CISD2: variants seen among roughly 807,000 people sequenced by gnomAD.
CISD2 encodes the protein CDGSH iron sulfur domain 2.
Under a neutral mutation model 12.9 loss-of-function variants are expected in CISD2, and 1 was observed. The ratio of observed to expected loss-of-function variants is 0.08; its 90% CI spans 0.03 to 0.37. The LOEUF is 0.37. Ranked by LOEUF, CISD2 falls within the 10% of genes least tolerant of loss-of-function variation. CISD2 has a pLI of 0.99. For missense variants in CISD2, 97 were observed against 163.1 expected, an observed-to-expected ratio of 0.59 and a Z score of 2.21; for synonymous variants, 50 against 60.6, an observed-to-expected ratio of 0.83 and a Z score of 0.81.
In CISD2 at chr4:102,889,868, TGTAA is replaced by T. The variant is rs916684046; in HGVS notation, c.*2443_*2446del. Reference sequence around the variant, plus strand: ...ACCAAATGTATTTGAATTGATGCAGTGTAAGTAACTTGTAGAACTTGAGGATAAG... The same window carrying T: ...ACCAAATGTATTTGAATTGATGCAGTGTAACTTGTAGAACTTGAGGATAAG... On this transcript the variant is annotated 3_prime_UTR_variant, in exon 3 of 3. Transcript: ENST00000273986. The T allele has an allele frequency of 6.6e-6, 1 of 152,200 alleles. No homozygotes were observed. The highest frequency in any genetic ancestry group is 2.4e-5 in the African/African-American group (1 of 41,438). The allele number at this position is 152,200 out of a possible 1,614,324, so 9.4% of individuals were successfully genotyped here.
chr4:102,872,793 G>A (rs1369398850), intron 1 of CISD2, among the ~76,000 whole-genome samples: 3 of 152,182 alleles, frequency 2.0e-5, no homozygotes, highest in Non-Finnish European at 4.4e-5. Context: ...GTTTCCCAAA[G>A]AAGATACTTC....
intron 2 of CISD2, among the ~76,000 whole-genome samples, chr4:102,886,679 G>C (rs886856419): frequency 9.9e-5 from 15 of 152,066 alleles, no homozygotes; most frequent in African/African-American, 3.6e-4. Flanking sequence ...GTGATGGCAT[G>C]ATCTCAGCTC....
In CISD2 at chr4:102,892,317, C is replaced by T. The variant is rs36038242; in HGVS notation, c.*4887C>T. On this transcript the variant is annotated 3_prime_UTR_variant, in exon 3 of 3. Transcript: ENST00000273986. Reference sequence around the variant, plus strand: ...AAGTGATCCTCCCTGCCTCAGCACTCCCAAAGTGCTGGGATTGCAGGCATG... The same window carrying T: ...AAGTGATCCTCCCTGCCTCAGCACTTCCAAAGTGCTGGGATTGCAGGCATG... 6.6e-6 allele frequency: 1 copy of T among 152,224 alleles called. No individual in the cohort carries two copies. Among genetic ancestry groups the T allele is most frequent in the Admixed American group, 6.5e-5 (1 of 15,280 alleles). The allele number at this position is 152,224 out of a possible 1,614,324, so 9.4% of individuals were successfully genotyped here.
chr4:102,885,194 T>G (rs779698439), intron 1 of CISD2, 22 bp from the exon 2 acceptor site: 121 of 1,590,892 alleles, frequency 7.6e-5, no homozygotes, highest in Non-Finnish European at 1.0e-4. Context: ...CACTGCAGAT[T>G]CTGACACATC....
chr4:102,869,030 G>T lies in CISD2; in HGVS notation c.-55G>T, dbSNP rs1733334148. On this transcript the variant is annotated 5_prime_UTR_variant, in exon 1 of 3. Coordinates refer to ENST00000273986, the MANE Select transcript of CISD2 (RefSeq NM_001008388.5). ...CGCTTCCGCTCCCGGCGCAGGCGCG[G>T]CAGCTTGGCCAGAGCGGAGGGGGCT... 1.6e-5 allele frequency: 24 copies of T among 1,530,774 alleles called. No homozygotes were observed. In the South Asian group the frequency reaches 2.8e-4, roughly 18 times the overall value. The allele number at this position is 1,530,774 out of a possible 1,614,324, so 94.8% of individuals were successfully genotyped here.
chr4:102,877,705 T>G (rs1364635109), intron 1 of CISD2, among the ~76,000 whole-genome samples: 1 of 152,240 alleles, frequency 6.6e-6, no homozygotes, highest in East Asian at 1.9e-4. Flanking sequence ...TGCAGTAGAC[T>G]TCTGCCTGGA....
chr4:102,883,911 C>G (rs1578314296), intron 1 of CISD2, among the ~76,000 whole-genome samples: 1 of 152,084 alleles, frequency 6.6e-6, no homozygotes, highest in Non-Finnish European at 1.5e-5. Flanking sequence ...TTTATTGTGT[C>G]TTTTTTGCCA....
intron 1 of CISD2, among the ~76,000 whole-genome samples, chr4:102,881,438 T>G (rs1733719391): frequency 2.0e-5 from 3 of 152,234 alleles, no homozygotes; most frequent in Admixed American, 6.5e-5. Context: ...TGGAATGTTC[T>G]CAATATAAAT....
Position 102,890,847 on chromosome 4 carries a change from A to G in CISD2, c.*3417A>G, listed in dbSNP as rs1442077020. 2 of 148,114 alleles carry G rather than the reference A, an allele frequency of 1.4e-5. No homozygotes were observed. The highest frequency in any genetic ancestry group is 3.0e-5 in the Non-Finnish European group (2 of 67,586). The allele number at this position is 148,114 out of a possible 1,614,324, so 9.2% of individuals were successfully genotyped here. A position where few individuals can be genotyped will look rare whatever the true frequency, so the allele number is the denominator to read the frequency against. On this transcript the variant is annotated 3_prime_UTR_variant, in exon 3 of 3. Transcript: ENST00000273986. ...AGAAGTGAAACCCTATCTTAAAAAAAAAAAAAGTCTTTTTTTTTTTTCATC... is the reference window on the plus strand; with the variant it reads ...AGAAGTGAAACCCTATCTTAAAAAAGAAAAAAGTCTTTTTTTTTTTTCATC...
intron 1 of CISD2, among the ~76,000 whole-genome samples, chr4:102,882,358 G>C (rs893756813): frequency 2.6e-5 from 4 of 152,158 alleles, no homozygotes; most frequent in Non-Finnish European, 4.4e-5. Context: ...CATACTGGAT[G>C]CTGGGGCCAA....
At chr4:102,870,318 A>T (rs77950594) in intron 1 of CISD2, among the ~76,000 whole-genome samples, 2,793 of 152,184 alleles carry the variant, frequency 0.018, 79 homozygotes, top group African/African-American at 0.061. Context: ...ATTTTTTTTT[A>T]AATTAAAGAA....
chr4:102,886,895 G>A (rs538176641), intron 2 of CISD2, among the ~76,000 whole-genome samples: 4 of 152,274 alleles, frequency 2.6e-5, no homozygotes, highest in East Asian at 1.9e-4. Flanking sequence ...GATTACAGGC[G>A]TAAACTACCG....
chr4:102,877,120 G>A (rs1470905142), intron 1 of CISD2, among the ~76,000 whole-genome samples: 1 of 152,064 alleles, frequency 6.6e-6, no homozygotes, highest in Non-Finnish European at 1.5e-5. Flanking sequence ...CATTCATTTT[G>A]CATTTCAAAA....
At chr4:102,880,174 C>T (rs887069690) in intron 1 of CISD2, among the ~76,000 whole-genome samples, 3 of 151,968 alleles carry the variant, frequency 2.0e-5, no homozygotes, top group African/African-American at 7.2e-5. Flanking sequence ...GAACTCCTGA[C>T]CTCAAGTGAT....
chr4:102,885,675 C>T (rs565241786), intron 2 of CISD2, among the ~76,000 whole-genome samples: 6 of 152,236 alleles, frequency 3.9e-5, no homozygotes, highest in Admixed American at 3.3e-4. Flanking sequence ...TGTAGAGTAA[C>T]ATGTATTTTA....
intron 1 of CISD2, among the ~76,000 whole-genome samples, chr4:102,879,711 G>T (rs1337917359): frequency 6.6e-6 from 1 of 152,078 alleles, no homozygotes; most frequent in Non-Finnish European, 1.5e-5. Context: ...GGCAGAGGTT[G>T]CAGTGAGCCA....
intron 1 of CISD2, among the ~76,000 whole-genome samples, chr4:102,875,407 C>G (rs1344607155): frequency 6.6e-6 from 1 of 152,256 alleles, no homozygotes; most frequent in Non-Finnish European, 1.5e-5. Context: ...AAGCTCCTTT[C>G]TAACAGGGAG....
rs776281350 is a variant in CISD2, at chr4:102,869,055, T to C, written c.-30T>C. The C allele has an allele frequency of 1.3e-6, 2 of 1,591,108 alleles. No homozygotes were observed. The highest frequency in any genetic ancestry group is 1.7e-6 in the Non-Finnish European group (2 of 1,169,800). On this transcript the variant is annotated 5_prime_UTR_variant, in exon 1 of 3. Transcript: ENST00000273986. ...GCAGCTTGGCCAGAGCGGAGGGGGCTCGGGAGAGGAGTGGACGCCGCTGGC... is the reference window on the plus strand; with the variant it reads ...GCAGCTTGGCCAGAGCGGAGGGGGCCCGGGAGAGGAGTGGACGCCGCTGGC...
intron 1 of CISD2, among the ~76,000 whole-genome samples, chr4:102,873,340 C>G (rs2110392434): frequency 6.6e-6 from 1 of 152,066 alleles, no homozygotes; most frequent in East Asian, 1.9e-4. Context: ...TGATCTCTAC[C>G]CACTCATTGC....
Sources: allele counts gnomAD v4.1 joint callset (sites outside exome capture counted in the v4.1 genomes callset), GRCh38; gene constraint gnomAD v4.1.1; transcripts MANE v1.5; gene names NCBI Gene and HGNC (gene_info 2026-07-23, HGNC 2026-07-21).